Variants in CNNM1 observed in about 807,000 individuals in gnomAD.
CNNM1 encodes the protein metal transporter CNNM1.
CNNM1 carries 44 observed loss-of-function variants against 78.8 expected under a neutral mutation model. That is an observed-to-expected ratio of 0.56 (90% CI 0.44 to 0.72). The LOEUF is 0.72. Among genes scored for constraint, CNNM1 ranks in the 30% least tolerant of loss-of-function variants. The pLI, the probability that CNNM1 is intolerant of heterozygous loss-of-function variation, is 0.00. For missense variants in CNNM1, 1,101 were observed against 1,292.2 expected, an observed-to-expected ratio of 0.85 and a Z score of 2.27; for synonymous variants, 584 against 581.5, an observed-to-expected ratio of 1.00 and a Z score of -0.06.
intron 9 of CNNM1, among the ~76,000 whole-genome samples, chr10:99,388,882 C>T (rs1271532353): frequency 6.6e-6 from 1 of 152,136 alleles, no homozygotes; most frequent in Non-Finnish European, 1.5e-5. Flanking sequence ...ACCATATCAC[C>T]TCCCTCTGAG....
At chr10:99,358,735 C>T (rs1271810047) in intron 2 of CNNM1, among the ~76,000 whole-genome samples, 4 of 152,090 alleles carry the variant, frequency 2.6e-5, no homozygotes, top group African/African-American at 4.8e-5. Context: ...ACATGAGGAA[C>T]GAGCTCGGAA....
chr10:99,360,961 G>A lies in CNNM1; in HGVS notation c.1844G>A (p.Arg615His), dbSNP rs377369340. Residue 615 changes from arginine (R) to histidine (H), a missense_variant, in exon 3 of 11, where the codon CGC (arginine) becomes CAC (histidine). Around this residue, in one of 3 missense-constraint regions of CNNM1, gnomAD observed 277 missense variants for 423.2 expected, o/e 0.65. Coordinates refer to ENST00000356713, the MANE Select transcript of CNNM1 (RefSeq NM_020348.3). ...CCACAGCTTCTGCTAGCCACACACC[G>A]CTTCATGGCCACAGGTAGGACAAGT... ...ISPQLLLATH[R>H]FMATEVEPFK... 20 of 1,608,224 alleles carry A rather than the reference G, an allele frequency of 1.2e-5. No homozygotes were observed. The highest frequency in any genetic ancestry group is 2.7e-5 in the African/African-American group (2 of 74,778).
At chr10:99,364,572 A>C (rs1348889485) in intron 5 of CNNM1, 56 bp downstream of exon 5, 1 of 1,407,022 alleles carries the variant, frequency 7.1e-7, no homozygotes, top group Admixed American at 2.0e-5. Context: ...TAGAAAAAGC[A>C]CAGGGGTTCA....
chr10:99,389,986 G>A lies in CNNM1; in HGVS notation c.2675-320G>A, dbSNP rs1285880180. Among the ~76,000 whole-genome samples the A allele has an allele frequency of 3.9e-5, 6 of 152,308 alleles. No individual in the cohort carries two copies. The East Asian group carries it at 1.2e-3, about 29-fold the overall frequency. ...GCTTTTAGTCTGGCAAATAGACTGGGTGGAGAACACATTGTTCTCTAAACC... is the reference window on the plus strand; with the variant it reads ...GCTTTTAGTCTGGCAAATAGACTGGATGGAGAACACATTGTTCTCTAAACC... On this transcript the variant is annotated intron_variant, in intron 9 of 10. Coordinates refer to ENST00000356713, the MANE Select transcript of CNNM1 (RefSeq NM_020348.3).
At chr10:99,382,890 C>T (rs922143732) in intron 7 of CNNM1, among the ~76,000 whole-genome samples, 1 of 152,244 alleles carries the variant, frequency 6.6e-6, no homozygotes, top group Non-Finnish European at 1.5e-5. Context: ...AAACAGACCT[C>T]CGCTTCCTTT....
rs2134006213 is a variant in CNNM1, at chr10:99,329,864, G to A, written c.477G>A (p.Leu159=). The change falls in exon 1 of 11, where the codon CTG becomes CTA. Residue 159 remains leucine, a synonymous_variant. Coordinates refer to ENST00000356713, the MANE Select transcript of CNNM1 (RefSeq NM_020348.3). ...LRPGGVAGSA[L]VQVRVRELRK... ...CCGGGGGCGTGGCAGGCTCGGCCCT[G>A]GTCCAGGTGCGAGTGCGGGAGCTGC... 2 of 1,400,608 alleles carry A rather than the reference G, an allele frequency of 1.4e-6. No individual in the cohort carries two copies. The highest frequency in any genetic ancestry group is 3.0e-5 in the East Asian group (1 of 33,564). 86.8% of individuals were successfully genotyped at this position (1,400,608 alleles called of 1,614,324 possible). A position where few individuals can be genotyped will look rare whatever the true frequency, so the allele number is the denominator to read the frequency against.
intron 7 of CNNM1, among the ~76,000 whole-genome samples, chr10:99,380,021 CTTTTT>C (rs34165882): frequency 5.8e-5 from 6 of 103,932 alleles, no homozygotes; most frequent in Non-Finnish European, 8.0e-5. Flanking sequence ...TAAACTCTCT[CTTTTT>C]TTTTTTTTTT....
intron 7 of CNNM1, among the ~76,000 whole-genome samples, chr10:99,380,717 G>C (rs1470186253): frequency 6.6e-6 from 1 of 152,026 alleles, no homozygotes; most frequent in Non-Finnish European, 1.5e-5. Context: ...CTTGAACCTG[G>C]GAGGCGGAGG....
intron 1 of CNNM1, among the ~76,000 whole-genome samples, chr10:99,347,576 AACAC>A (rs57477706): frequency 2.1e-5 from 3 of 140,800 alleles, no homozygotes; most frequent in African/African-American, 7.9e-5. Context: ...ACCTTTTTGC[AACAC>A]ACACACACAC....
chr10:99,329,888 G>A lies in CNNM1; in HGVS notation c.501G>A (p.Leu167=). ...SALVQVRVRE[L]RKGEAERGGA... is the part of the protein sequence containing the mutation. ...TGGTCCAGGTGCGAGTGCGGGAGCTGCGCAAGGGCGAAGCGGAGCGGGGCG... is the reference window on the plus strand; with the variant it reads ...TGGTCCAGGTGCGAGTGCGGGAGCTACGCAAGGGCGAAGCGGAGCGGGGCG... Residue 167 remains leucine (L), a synonymous_variant, in exon 1 of 11, where the codon CTG becomes CTA. Transcript: ENST00000356713. 1 of 1,393,196 alleles carries A rather than the reference G, an allele frequency of 7.2e-7. No homozygotes were observed. The highest frequency in any genetic ancestry group is 9.2e-7 in the Non-Finnish European group (1 of 1,081,398). 86.3% of individuals were successfully genotyped at this position (1,393,196 alleles called of 1,614,324 possible).
Position 99,364,504 on chromosome 10 carries a change from A to G in CNNM1, c.2116A>G (p.Thr706Ala), listed in dbSNP as rs764604712. Residue 706 changes from threonine (T) to alanine (A), a missense_variant, in exon 5 of 11, where the codon ACT becomes GCT. By Grantham distance (58) the Thr-to-Ala change is moderately conservative. This residue lies in a region of CNNM1 where 348 missense variants were observed against 384.5 expected (regional missense o/e 0.90). Coordinates refer to ENST00000356713, the MANE Select transcript of CNNM1 (RefSeq NM_020348.3). ...TYYGVPAIMT[T>A]ACSDNDVRKV... ...CTATGGCGTCCCAGCCATCATGACC[A>G]CTGCTTGCTCAGGTATTCTAGTTTC... is the stretch of plus-strand genomic sequence containing the variant. 6.2e-6 allele frequency: 10 copies of G among 1,610,628 alleles called. No individual in the cohort carries two copies. The highest frequency in any genetic ancestry group is 1.7e-4 in the Middle Eastern group (1 of 6,054).
intron 7 of CNNM1, among the ~76,000 whole-genome samples, chr10:99,381,471 G>A (rs1564959481): frequency 6.6e-6 from 1 of 151,466 alleles, no homozygotes; most frequent in Non-Finnish European, 1.5e-5. Flanking sequence ...GCCAGGCGCG[G>A]TGGCTCACAC....
At chr10:99,333,099 T>G (rs956142992) in intron 1 of CNNM1, among the ~76,000 whole-genome samples, 3 of 152,204 alleles carry the variant, frequency 2.0e-5, no homozygotes, top group African/African-American at 7.2e-5. Flanking sequence ...AACTGTGTCC[T>G]GACATGGTAT....
intron 6 of CNNM1, among the ~76,000 whole-genome samples, chr10:99,374,398 G>A (rs907256966): frequency 2.6e-5 from 4 of 152,066 alleles, no homozygotes; most frequent in African/African-American, 9.7e-5. Context: ...TGCTCCATGT[G>A]GCCTCTTCCT....
chr10:99,356,543 AGACAGAC>A (rs1564947011), intron 1 of CNNM1, among the ~76,000 whole-genome samples: 68 of 99,606 alleles, frequency 6.8e-4, no homozygotes, highest in Admixed American at 3.7e-3. Context: ...AAAGAAAGAC[AGACAGAC>A]AGACAGACAG....
chr10:99,367,345 T>A (rs1361754040), intron 6 of CNNM1, among the ~76,000 whole-genome samples: 1 of 152,226 alleles, frequency 6.6e-6, no homozygotes, highest in Admixed American at 6.5e-5. Flanking sequence ...CGATGACCTA[T>A]GCTTCAAAGT....
rs760630170 is a variant in CNNM1, at chr10:99,330,271, C to T, written c.884C>T (p.Ala295Val). The change falls in exon 1 of 11, where the codon GCG becomes GTG. Residue 295 changes from alanine to valine, a missense_variant. Physicochemically the swap from Ala to Val is moderately conservative, Grantham distance 64 (BLOSUM62 0). This residue lies in a region of CNNM1 where 476 missense variants were observed against 484.5 expected (regional missense o/e 0.98). Transcript: ENST00000356713. Reference sequence around the variant, plus strand: ...CTCCTGGGCCAAGCCGGAGCCAACGCGGCCCTGGCTGGCTGGCTGTACACC... The same window carrying T: ...CTCCTGGGCCAAGCCGGAGCCAACGTGGCCCTGGCTGGCTGGCTGTACACC... ...TLLLGQAGAN[A>V]ALAGWLYTSL... 1.9e-6 allele frequency: 3 copies of T among 1,563,084 alleles called. No individual in the cohort carries two copies. In the African/African-American group the frequency reaches 4.1e-5, roughly 21 times the overall value.
intron 7 of CNNM1, 58 bp downstream of exon 7, chr10:99,377,276 G>A: frequency 1.9e-6 from 3 of 1,543,666 alleles, no homozygotes. Flanking sequence ...GGCTGGCTGA[G>A]CGGGACAAGA....
rs2032529236 is a variant in CNNM1 at position 99,393,393 on chromosome 10, G to A, written c.*1877G>A. 6.6e-6 allele frequency: 1 copy of A among 152,416 alleles called. No homozygotes were observed. Among genetic ancestry groups the A allele is most frequent in the Admixed American group, 6.6e-5 (1 of 15,264 alleles). 9.4% of individuals were successfully genotyped at this position (152,416 alleles called of 1,614,324 possible). ...GGGGGTCCATAGTTGGACTTCAGAG[G>A]GTCTATGAAACCCCTAAAACTGTCA... On this transcript the variant is annotated 3_prime_UTR_variant, in exon 11 of 11. Transcript: ENST00000356713.
Sources: allele counts gnomAD v4.1 joint callset (sites outside exome capture counted in the v4.1 genomes callset), GRCh38; gene constraint gnomAD v4.1.1; regional missense constraint gnomAD v4.1.1; transcripts MANE v1.5; gene names NCBI Gene and HGNC (gene_info 2026-07-23, HGNC 2026-07-21).